Variants in WDFY4 observed in about 807,000 individuals in gnomAD.
WDFY4 encodes WD repeat- and FYVE domain-containing protein 4.
In WDFY4, 169 loss-of-function variants were observed where a neutral mutation model predicts 351.9. The observed-to-expected ratio is 0.48, with a 90% CI of 0.42 to 0.55. The LOEUF is 0.55. Among genes scored for constraint, WDFY4 ranks in the 20% least tolerant of loss-of-function variants. The pLI is 0.00. For missense variants in WDFY4, 3,803 were observed against 3,935.6 expected (o/e 0.97, Z 0.90); for synonymous variants, 1,622 against 1,574.6 (o/e 1.03, Z -0.71).
intron 47 of WDFY4, among the ~76,000 whole-genome samples, chr10:48,904,227 C>T (rs183741909): frequency 8.5e-4 from 130 of 152,262 alleles, no homozygotes; most frequent in African/African-American, 3.1e-3. Flanking sequence ...CCAGGGGACC[C>T]GGGCAGCAGT....
chr10:48,685,780 T>C (rs997992200), intron 1 of WDFY4, among the ~76,000 whole-genome samples: 15 of 152,194 alleles, frequency 9.9e-5, no homozygotes, highest in African/African-American at 3.1e-4. Context: ...CTAATTTTAA[T>C]ATGAGTTTAT....
At position 48,807,929 on chromosome 10, in the gene WDFY4, A is replaced by G. The variant is rs778359208; in HGVS notation, c.4809A>G (p.Ile1603Met). Residue 1603 changes from isoleucine to methionine, a missense_variant, in exon 28 of 62, where the codon ATA becomes ATG. Ile to Met is a conservative substitution (Grantham distance 10). Coordinates refer to ENST00000325239, the MANE Select transcript of WDFY4 (RefSeq NM_001394531.1). ...NQLLEMLLSV[I>M]SSPQLHLSSE... ...TGCTGGAGATGCTGCTCAGTGTAAT[A>G]TCTTCCCCCCAGCTTCATCTGTCCT... is the stretch of plus-strand genomic sequence containing the variant. 21 of 1,549,492 alleles carry G rather than the reference A, an allele frequency of 1.4e-5. No individual in the cohort carries two copies. The highest frequency in any genetic ancestry group is 1.8e-5 in the Non-Finnish European group (21 of 1,146,322).
rs1369038341 is a variant in WDFY4 at position 48,970,142 on chromosome 10, A to G, written c.8781A>G (p.Thr2927=). 1.3e-6 allele frequency: 2 copies of G among 1,551,546 alleles called. No homozygotes were observed. Among genetic ancestry groups the G allele is most frequent in the Admixed American group, 2.0e-5 (1 of 51,008 alleles). ...GSYGSDKVLM[T]FENLAAWGRC... ...CTTATCTCCTACAGGTCCTGATGAC[A>G]TTCGAGAACCTGGCTGCCTGGGGCC... is the stretch of plus-strand genomic sequence containing the variant. Residue 2927 remains threonine (T), a synonymous_variant, in exon 57 of 62, where the codon ACA becomes ACG. Coordinates refer to ENST00000325239, the MANE Select transcript of WDFY4 (RefSeq NM_001394531.1).
At chr10:48,701,764 C>G (rs1300071088) in intron 1 of WDFY4, among the ~76,000 whole-genome samples, 1 of 152,198 alleles carries the variant, frequency 6.6e-6, no homozygotes, top group East Asian at 1.9e-4. Context: ...CTCTGAGGCT[C>G]TTTCCAGCAC....
intron 12 of WDFY4, among the ~76,000 whole-genome samples, chr10:48,747,706 A>G (rs2065056875): frequency 6.6e-6 from 1 of 152,172 alleles, no homozygotes; most frequent in Non-Finnish European, 1.5e-5. Context: ...TTCTTTTTCA[A>G]ATAAACTTGA....
Position 48,790,764 on chromosome 10 carries a change from C to T in WDFY4, c.4104C>T (p.Ser1368=). 1 of 1,551,884 alleles carries T rather than the reference C, an allele frequency of 6.4e-7. No homozygotes were observed. Among genetic ancestry groups the T allele is most frequent in the Non-Finnish European group, 8.7e-7 (1 of 1,147,040 alleles). Residue 1368 remains serine (S), a synonymous_variant, in exon 23 of 62, where the codon AGC becomes AGT. Transcript: ENST00000325239. ...TCCACTCCAGCCCTGCTGCCAGCAG[C>T]CTGGACTTCATTGGCGGGCCTGCCA... The part of the protein sequence containing the change: ...RVFHSSPAAS[S]LDFIGGPAIL...
rs191965634 is a variant in WDFY4, at chr10:48,842,172, G to A, written c.6663+9463G>A. Among the ~76,000 whole-genome samples, 9 of 152,084 alleles carry A rather than the reference G, an allele frequency of 5.9e-5. No individual in the cohort carries two copies. The South Asian group carries it at 1.0e-3, about 18-fold the overall frequency. On this transcript the variant is annotated intron_variant, in intron 39 of 61. Coordinates refer to ENST00000325239, the MANE Select transcript of WDFY4 (RefSeq NM_001394531.1). ...AGATAAATGCAAAGCAAATACAGAG[G>A]TTTAAGAGAGACTGTCCTTTGTCCC...
intron 13 of WDFY4, among the ~76,000 whole-genome samples, chr10:48,762,314 A>G (rs2065532829): frequency 6.6e-6 from 1 of 152,128 alleles, no homozygotes; most frequent in South Asian, 2.1e-4. Context: ...AAAAGGCCTG[A>G]CCCAGTTTCA....
At chr10:48,755,174 T>A (rs1246115629) in intron 12 of WDFY4, among the ~76,000 whole-genome samples, 1 of 152,200 alleles carries the variant, frequency 6.6e-6, no homozygotes, top group Non-Finnish European at 1.5e-5. Context: ...GAAGCATACA[T>A]GTGTAATCTT....
In WDFY4 at chr10:48,875,144, T is replaced by G; in HGVS notation, c.7000+4T>G. 2.8e-6 allele frequency: 4 copies of G among 1,446,864 alleles called. No individual in the cohort carries two copies. The highest frequency in any genetic ancestry group is 3.7e-6 in the Non-Finnish European group (4 of 1,093,978). 89.6% of individuals were successfully genotyped at this position (1,446,864 alleles called of 1,614,324 possible). ...CAAACAAATGCTGAAAACCAAGGTA[T>G]TCAGTTTATCTATTTTTTCCTTTAA... is the stretch of plus-strand genomic sequence containing the variant. On this transcript the variant is annotated splice_donor_region_variant and intron_variant, in intron 42 of 61. Transcript: ENST00000325239.
In WDFY4 at chr10:48,778,510, T is replaced by C. The variant is rs1379770003; in HGVS notation, c.3176-101T>C. 3 of 1,165,574 alleles carry C rather than the reference T, an allele frequency of 2.6e-6. No individual in the cohort carries two copies. In the East Asian group the frequency reaches 7.7e-5, roughly 30 times the overall value. The allele number at this position is 1,165,574 out of a possible 1,614,324, so 72.2% of individuals were successfully genotyped here. A position where few individuals can be genotyped will look rare whatever the true frequency, so the allele number is the denominator to read the frequency against. ...ACTGGTGATTAGGCAAGACACCCAGTAGGTGCTGCACCTGGGCTAAATCAG... is the reference window on the plus strand; with the variant it reads ...ACTGGTGATTAGGCAAGACACCCAGCAGGTGCTGCACCTGGGCTAAATCAG... On this transcript the variant is annotated intron_variant, in intron 17 of 61. Coordinates refer to ENST00000325239, the MANE Select transcript of WDFY4 (RefSeq NM_001394531.1).
At chr10:48,790,063 TG>T in intron 22 of WDFY4, 78 bp downstream of exon 22, 1 of 1,394,226 alleles carries the variant, frequency 7.2e-7, no homozygotes, top group Non-Finnish European at 9.9e-7. Context: ...CCTGGAGTTC[TG>T]GAGTGGTGGA....
intron 1 of WDFY4, among the ~76,000 whole-genome samples, chr10:48,690,655 A>G (rs2136298975): frequency 6.6e-6 from 1 of 152,252 alleles, no homozygotes; most frequent in South Asian, 2.1e-4. Context: ...AGCTCTCAGC[A>G]GAGAGGAGGC....
intron 48 of WDFY4, 143 bp from the exon 49 acceptor site, chr10:48,943,187 A>C: frequency 5.9e-6 from 5 of 841,084 alleles, no homozygotes; most frequent in South Asian, 1.9e-5. Context: ...CATGCATGAG[A>C]TGTGCACAAA....
chr10:48,859,373 T>A (rs910071727), intron 39 of WDFY4, among the ~76,000 whole-genome samples: 50 of 152,228 alleles, frequency 3.3e-4, no homozygotes, highest in African/African-American at 1.2e-3. Flanking sequence ...ATGCCCTTTA[T>A]CAAGTTAAAA....
At chr10:48,912,954 C>G (rs969554740) in intron 47 of WDFY4, among the ~76,000 whole-genome samples, 6 of 152,240 alleles carry the variant, frequency 3.9e-5, no homozygotes, top group African/African-American at 1.4e-4. Context: ...CAAACTCATG[C>G]TCTGAGATTC....
intron 19 of WDFY4, among the ~76,000 whole-genome samples, chr10:48,785,694 G>C (rs2132691538): frequency 6.6e-6 from 1 of 152,214 alleles, no homozygotes; most frequent in South Asian, 2.1e-4. Flanking sequence ...ATCGATCTAT[G>C]TGGTTATCTT....
At chr10:48,905,737 T>C (rs543286222) in intron 47 of WDFY4, among the ~76,000 whole-genome samples, 2 of 152,346 alleles carry the variant, frequency 1.3e-5, no homozygotes, top group South Asian at 2.1e-4. Flanking sequence ...AGGCCACCCA[T>C]GCAGTGAGGG....
intron 5 of WDFY4, among the ~76,000 whole-genome samples, chr10:48,724,537 T>A (rs558717094): frequency 6.6e-6 from 1 of 152,276 alleles, no homozygotes; most frequent in South Asian, 2.1e-4. Flanking sequence ...AAATGTTTAC[T>A]GTGTGGCTTT....
Sources: allele counts gnomAD v4.1 joint callset (sites outside exome capture counted in the v4.1 genomes callset), GRCh38; gene constraint gnomAD v4.1.1; transcripts MANE v1.5; gene names NCBI Gene and HGNC (gene_info 2026-07-23, HGNC 2026-07-21).